PKHD1: variants seen among roughly 807,000 people sequenced by gnomAD.
PKHD1 encodes fibrocystin.
Under a neutral mutation model 412.0 loss-of-function variants are expected in PKHD1, and 291 were observed. The ratio of observed to expected loss-of-function variants is 0.71; its 90% CI spans 0.64 to 0.78. PKHD1 has a LOEUF of 0.78. PKHD1 is among the 30% of genes least tolerant of loss of function. The probability of loss-of-function intolerance (pLI) is 0.00; values close to 1 mark genes in which losing one functional copy is unlikely to be tolerated. For missense variants in PKHD1, 4,825 were observed against 4,950.7 expected, an observed-to-expected ratio of 0.97 and a Z score of 0.76; for synonymous variants, 1,777 against 1,821.5, an observed-to-expected ratio of 0.98 and a Z score of 0.62.
At chr6:51,764,637 C>G (rs1481120739) in intron 55 of PKHD1, among the ~76,000 whole-genome samples, 2 of 151,804 alleles carry the variant, frequency 1.3e-5, no homozygotes, top group Non-Finnish European at 2.9e-5. Context: ...CGGCATTATT[C>G]ACAATAGCAA....
intron 55 of PKHD1, among the ~76,000 whole-genome samples, chr6:51,756,738 T>C (rs1362489914): frequency 2.0e-5 from 3 of 152,176 alleles, no homozygotes; most frequent in Non-Finnish European, 4.4e-5. Flanking sequence ...CACTTAAATC[T>C]CAATTTTCTA....
At chr6:51,646,400 A>G (rs535798221) in intron 63 of PKHD1, among the ~76,000 whole-genome samples, 9 of 152,298 alleles carry the variant, frequency 5.9e-5, no homozygotes, top group Admixed American at 5.9e-4. Context: ...TGCACACAAT[A>G]GGGAGAAGGC....
chr6:51,830,161 GTAATTAGGTCTTTGGGGGAAAATA>G (rs1768004003), intron 52 of PKHD1, among the ~76,000 whole-genome samples: 2 of 152,070 alleles, frequency 1.3e-5, no homozygotes, highest in Admixed American at 1.3e-4. Flanking sequence ...AACCATAAAT[GTAATTAGGTCTTTGGGGGAAAATA>G]TAATTGTCCT....
intron 35 of PKHD1, among the ~76,000 whole-genome samples, chr6:51,998,907 T>C (rs1798034045): frequency 6.6e-6 from 1 of 152,232 alleles, no homozygotes; most frequent in Non-Finnish European, 1.5e-5. Flanking sequence ...GAAAGGGACT[T>C]TGTGGCATTG....
chr6:51,745,943 G>A lies in PKHD1; in HGVS notation c.9998+778C>T, dbSNP rs1484635307. Among the ~76,000 whole-genome samples the A allele has an allele frequency of 3.3e-5, 5 of 152,148 alleles. No individual in the cohort carries two copies. In the East Asian group the frequency reaches 7.7e-4, roughly 24 times the overall value. ...AGGGATAGGCATCAAAAAGAGACTC[G>A]TGTTAAGCCAAACACATGAATGTTC... On this transcript the variant is annotated intron_variant, in intron 59 of 66. Coordinates refer to ENST00000371117, the MANE Select transcript of PKHD1 (RefSeq NM_138694.4).
At chr6:51,833,800 C>G (rs1259079025) in intron 51 of PKHD1, among the ~76,000 whole-genome samples, 1 of 152,072 alleles carries the variant, frequency 6.6e-6, no homozygotes, top group African/African-American at 2.4e-5. Flanking sequence ...TTGGGTCAGA[C>G]CATCCAAAAA....
chr6:51,854,353 T>C (rs1583045622), intron 49 of PKHD1, among the ~76,000 whole-genome samples: 1 of 152,160 alleles, frequency 6.6e-6, no homozygotes, highest in South Asian at 2.1e-4. Context: ...GCCAGTAGGA[T>C]CGCTCCTGTA....
chr6:51,773,934 T>A (rs1021703825), intron 54 of PKHD1, among the ~76,000 whole-genome samples: 1 of 151,932 alleles, frequency 6.6e-6, no homozygotes, highest in Non-Finnish European at 1.5e-5. Flanking sequence ...AACCCCATTT[T>A]CAGGACGTGT....
chr6:51,783,179 T>G (rs1171434596), intron 53 of PKHD1, among the ~76,000 whole-genome samples: 1 of 152,046 alleles, frequency 6.6e-6, no homozygotes, highest in African/African-American at 2.4e-5. Context: ...AACTAGACAG[T>G]GCATCATGTG....
intron 49 of PKHD1, among the ~76,000 whole-genome samples, chr6:51,854,247 C>T (rs566899604): frequency 1.2e-3 from 188 of 152,022 alleles, no homozygotes; most frequent in African/African-American, 4.3e-3. Context: ...TGATTTGCTC[C>T]CATGCCTGGA....
intron 36 of PKHD1, among the ~76,000 whole-genome samples, chr6:51,936,535 T>C (rs1477557131): frequency 4.6e-5 from 7 of 152,080 alleles, no homozygotes; most frequent in Non-Finnish European, 7.4e-5. Flanking sequence ...ACTGGAGAAA[T>C]GAGAGGGAGA....
At chr6:51,835,393 T>C (rs1317913975) in intron 51 of PKHD1, among the ~76,000 whole-genome samples, 1 of 152,166 alleles carries the variant, frequency 6.6e-6, no homozygotes, top group Non-Finnish European at 1.5e-5. Context: ...GAGAAAACTA[T>C]CCTTTTCCTT....
intron 52 of PKHD1, among the ~76,000 whole-genome samples, chr6:51,812,816 C>T (rs1411246065): frequency 6.6e-6 from 1 of 152,088 alleles, no homozygotes; most frequent in Non-Finnish European, 1.5e-5. Context: ...CCATCTATTA[C>T]CTCTAAGGGT....
chr6:51,623,959 A>G (rs367637626), intron 66 of PKHD1, among the ~76,000 whole-genome samples: 1 of 152,174 alleles, frequency 6.6e-6, no homozygotes, highest in African/African-American at 2.4e-5. Flanking sequence ...AGAATGACTT[A>G]TGTGTTTTCC....
At chr6:52,085,685 C>T (rs924937855) in intron 1 of PKHD1, among the ~76,000 whole-genome samples, 13 of 152,218 alleles carry the variant, frequency 8.5e-5, no homozygotes, top group African/African-American at 2.9e-4. Flanking sequence ...TTCCAGACGG[C>T]ACGTTCCTTG....
intron 36 of PKHD1, among the ~76,000 whole-genome samples, chr6:51,948,254 C>T (rs6921800): frequency 6.6e-6 from 1 of 152,112 alleles, no homozygotes; most frequent in Non-Finnish European, 1.5e-5. Flanking sequence ...TGAACCATAT[C>T]GTGTTACCTC....
chr6:51,738,706 G>C (rs1784171656), intron 60 of PKHD1, among the ~76,000 whole-genome samples: 1 of 152,104 alleles, frequency 6.6e-6, no homozygotes, highest in Admixed American at 6.5e-5. Flanking sequence ...CTGTCTATCT[G>C]CAACTGCTTC....
At position 52,087,574 on chromosome 6, in the gene PKHD1, C is replaced by G; in HGVS notation, c.-225G>C. On this transcript the variant is annotated 5_prime_UTR_variant, in exon 1 of 67. Coordinates refer to ENST00000371117, the MANE Select transcript of PKHD1 (RefSeq NM_138694.4). ...GCCTGCAGCCACCACGCAGGTAACT[C>G]ACTCACGTTAGACTATAACTCACCT... 6.6e-6 allele frequency: 1 copy of G among 152,324 alleles called. No individual in the cohort carries two copies. The highest frequency in any genetic ancestry group is 1.9e-4 in the East Asian group (1 of 5,194). The allele number at this position is 152,324 out of a possible 1,614,324, so 9.4% of individuals were successfully genotyped here. A position where few individuals can be genotyped will look rare whatever the true frequency, so the allele number is the denominator to read the frequency against.
At chr6:51,812,364 A>G (rs1325151363) in intron 52 of PKHD1, among the ~76,000 whole-genome samples, 1 of 152,152 alleles carries the variant, frequency 6.6e-6, no homozygotes, top group Non-Finnish European at 1.5e-5. Context: ...CTCCCAACCA[A>G]CTGAATGGAT....
Sources: allele counts gnomAD v4.1 joint callset (sites outside exome capture counted in the v4.1 genomes callset), GRCh38; gene constraint gnomAD v4.1.1; transcripts MANE v1.5; gene names NCBI Gene and HGNC (gene_info 2026-07-23, HGNC 2026-07-21).